Variants in CDC42EP3 observed in about 807,000 individuals in gnomAD.
CDC42EP3 encodes CDC42 effector protein 3, also known as CDC42 effector protein (Rho GTPase binding) 3.
CDC42EP3 carries 4 observed loss-of-function variants against 15.5 expected under a neutral mutation model. The observed-to-expected ratio is 0.26, with a 90% CI of 0.13 to 0.59. CDC42EP3 has a LOEUF of 0.59. CDC42EP3 is among the 20% of genes least tolerant of loss of function. The pLI is 0.89. For missense variants in CDC42EP3, 309 were observed against 311.2 expected (o/e 0.99, Z 0.05); for synonymous variants, 145 against 130.3 (o/e 1.11, Z -0.77).
intron 1 of CDC42EP3, among the ~76,000 whole-genome samples, chr2:37,653,803 G>A (rs1048948599): frequency 1.3e-5 from 2 of 152,082 alleles, no homozygotes; most frequent in Non-Finnish European, 2.9e-5. Flanking sequence ...AGGTTGCAGT[G>A]TTAATTTAAA....
At position 37,671,617 on chromosome 2, in the gene CDC42EP3, G is replaced by T. The variant is rs936539020; in HGVS notation, c.-427C>A. On this transcript the variant is annotated 5_prime_UTR_variant, in exon 1 of 2. Coordinates refer to ENST00000295324, the MANE Select transcript of CDC42EP3 (RefSeq NM_006449.5). ...GGCTAGCCCCGCGCTGCGGTCCCCCGGCCGCGAGAGAAGGTGCGCGCGACT... is the reference window on the plus strand; with the variant it reads ...GGCTAGCCCCGCGCTGCGGTCCCCCTGCCGCGAGAGAAGGTGCGCGCGACT... 1 of 152,368 alleles carries T rather than the reference G, an allele frequency of 6.6e-6. No individual in the cohort carries two copies. The allele number at this position is 152,368 out of a possible 1,614,324, so 9.4% of individuals were successfully genotyped here.
upstream of CDC42EP3, among the ~76,000 whole-genome samples, chr2:37,672,944 T>C (rs1666481166): frequency 6.6e-6 from 1 of 152,050 alleles, no homozygotes. Flanking sequence ...GACTTTAAGG[T>C]GAAGTGAAAA....
chr2:37,670,150 A>G (rs1300937940), intron 1 of CDC42EP3, among the ~76,000 whole-genome samples: 1 of 152,228 alleles, frequency 6.6e-6, no homozygotes, highest in African/African-American at 2.4e-5. Flanking sequence ...TTGGGGCATC[A>G]TCGCTGGTTC....
At position 37,670,009 on chromosome 2, in the gene CDC42EP3, G is replaced by T. The variant is rs1310556610; in HGVS notation, c.-236+1417C>A. 4.6e-5 allele frequency among the ~76,000 whole-genome samples: 7 copies of T among 152,302 alleles called. No individual in the cohort carries two copies. In the East Asian group the frequency reaches 1.3e-3, roughly 29 times the overall value. ...CCAATAAGAGCTCACACAAATTGCA[G>T]GGGGTATGAAAGAGTAGACTTCTGG... On this transcript the variant is annotated intron_variant, in intron 1 of 1. Transcript: ENST00000295324.
At chr2:37,647,865 A>G (rs910848905) in intron 1 of CDC42EP3, among the ~76,000 whole-genome samples, 1 of 152,220 alleles carries the variant, frequency 6.6e-6, no homozygotes, top group African/African-American at 2.4e-5. Context: ...AAATCTGCCA[A>G]CAATGTTGGG....
At chr2:37,657,657 T>G (rs1665913543) in intron 1 of CDC42EP3, among the ~76,000 whole-genome samples, 1 of 152,234 alleles carries the variant, frequency 6.6e-6, no homozygotes, top group Non-Finnish European at 1.5e-5. Context: ...CCCTGCCTGT[T>G]TTTATAGATA....
chr2:37,661,666 G>A (rs1235956395), intron 1 of CDC42EP3, among the ~76,000 whole-genome samples: 1 of 152,126 alleles, frequency 6.6e-6, no homozygotes, highest in African/African-American at 2.4e-5. Flanking sequence ...CAAGGCTACC[G>A]GGAGCTGACA....
intron 1 of CDC42EP3, among the ~76,000 whole-genome samples, chr2:37,656,573 G>A (rs1665853298): frequency 6.6e-6 from 1 of 152,240 alleles, no homozygotes; most frequent in South Asian, 2.1e-4. Context: ...TGTGGGCCAG[G>A]CAGGCATGTA....
chr2:37,670,671 C>G (rs954086283), intron 1 of CDC42EP3, among the ~76,000 whole-genome samples: 1 of 152,018 alleles, frequency 6.6e-6, no homozygotes, highest in Admixed American at 6.6e-5. Flanking sequence ...TTTAAACTGA[C>G]CTCTCCTAGA....
intron 1 of CDC42EP3, among the ~76,000 whole-genome samples, chr2:37,661,354 T>C (rs36011195): frequency 0.038 from 5,858 of 152,286 alleles, 141 homozygotes; most frequent in Middle Eastern, 0.082. Context: ...CAATTACTTG[T>C]AATCTGCCAA....
rs1036582920 is a variant in CDC42EP3 at position 37,643,529 on chromosome 2, T to C, written c.*2294A>G. On this transcript the variant is annotated 3_prime_UTR_variant, in exon 2 of 2. Coordinates refer to ENST00000295324, the MANE Select transcript of CDC42EP3 (RefSeq NM_006449.5). ...AATATTTAGAATCTATCAAACCCAG[T>C]ACTGGCAGGGCTGTTCTCTCCCCAG... 6.6e-5 allele frequency: 10 copies of C among 152,308 alleles called. No homozygotes were observed. In the East Asian group the frequency reaches 1.9e-3, roughly 29 times the overall value. The allele number at this position is 152,308 out of a possible 1,614,324, so 9.4% of individuals were successfully genotyped here.
chr2:37,647,188 T>C (rs767365338), intron 1 of CDC42EP3, among the ~76,000 whole-genome samples: 4 of 152,254 alleles, frequency 2.6e-5, no homozygotes, highest in Non-Finnish European at 4.4e-5. Context: ...TTGATGTGCA[T>C]ACTAGCAACA....
At position 37,645,970 on chromosome 2, in the gene CDC42EP3, G is replaced by T. The variant is rs773653016; in HGVS notation, c.618C>A (p.Asp206Glu). 1.7e-5 allele frequency: 27 copies of T among 1,614,056 alleles called. No individual in the cohort carries two copies. The East Asian group carries it at 6.0e-4, about 36-fold the overall frequency. Residue 206 changes from aspartate to glutamate, a missense_variant, in exon 2 of 2, where the codon GAC (aspartate) becomes GAA (glutamate). By Grantham distance (45) the Asp-to-Glu change is conservative. Coordinates refer to ENST00000295324, the MANE Select transcript of CDC42EP3 (RefSeq NM_006449.5). ...TGATGAGCTCGCATGGGGTGGGATG[G>T]TCAAACATGTCCTCGGCTGGCCAGT... ...YPDWPAEDMF[D>E]HPTPCELIKG...
chr2:37,670,022 A>G (rs1341530048), intron 1 of CDC42EP3, among the ~76,000 whole-genome samples: 2 of 152,234 alleles, frequency 1.3e-5, no homozygotes, highest in Non-Finnish European at 2.9e-5. Flanking sequence ...GGTATGAAAG[A>G]GTAGACTTCT....
Position 37,646,072 on chromosome 2 carries a change from C to T in CDC42EP3, c.516G>A (p.Trp172Ter). ...ACTGAGATGCAGAACCGCTGGAGCC[C>T]CACGAGGTGTCTCCCTGGTGGACTG... Reference protein sequence around the residue: ...NGTVHQGDTSWGSSGSASQSS... With the variant: ...NGTVHQGDTS The change falls in exon 2 of 2, where the codon TGG (tryptophan) becomes TGA (stop). Residue 172 changes from tryptophan (W) to a stop codon, truncating the protein, a stop_gained. Coordinates refer to ENST00000295324, the MANE Select transcript of CDC42EP3 (RefSeq NM_006449.5). LOFTEE classifies it high-confidence loss of function. The T allele has an allele frequency of 6.2e-7, 1 of 1,614,190 alleles. No homozygotes were observed. Among genetic ancestry groups the T allele is most frequent in the Non-Finnish European group, 8.5e-7 (1 of 1,180,032 alleles).
At chr2:37,658,971 T>C (rs868275769) in intron 1 of CDC42EP3, among the ~76,000 whole-genome samples, 6 of 152,168 alleles carry the variant, frequency 3.9e-5, no homozygotes, top group Non-Finnish European at 7.3e-5. Context: ...TAAGATAAAA[T>C]AGCTTGTGAA....
chr2:37,672,874 C>T (rs576901477), upstream of CDC42EP3, among the ~76,000 whole-genome samples: 17 of 152,270 alleles, frequency 1.1e-4, 1 homozygote, highest in South Asian at 3.5e-3. Flanking sequence ...CACCGCGGTG[C>T]CCTGGGTCTG....
At chr2:37,672,851 A>G (rs144761023), upstream of CDC42EP3, among the ~76,000 whole-genome samples, 233 of 152,344 alleles carry the variant, frequency 1.5e-3, 2 homozygotes, top group African/African-American at 5.5e-3. Context: ...GAGAGATATC[A>G]GCTTCAGGTC....
intron 1 of CDC42EP3, among the ~76,000 whole-genome samples, chr2:37,670,808 C>T (rs1187414889): frequency 6.6e-6 from 1 of 152,084 alleles, no homozygotes. Flanking sequence ...TGGCCAGATC[C>T]ATTCATCCTC....
Sources: gnomAD v4.1 joint callset for allele counts (sites outside exome capture counted in the v4.1 genomes callset) on GRCh38, gnomAD v4.1.1 for gene constraint, MANE v1.5 for transcripts, NCBI Gene and HGNC (gene_info 2026-07-23, HGNC 2026-07-21) for gene names.